ADCY8: variants seen among roughly 807,000 people sequenced by gnomAD.
ADCY8 encodes adenylate cyclase 8, also known as adenylate cyclase type 8.
ADCY8 carries 51 observed loss-of-function variants against 119.7 expected under a neutral mutation model. That is an observed-to-expected ratio of 0.43 (90% confidence interval 0.34 to 0.54). The LOEUF is 0.54. Among genes scored for constraint, ADCY8 ranks in the 20% least tolerant of loss-of-function variants. ADCY8 has a pLI of 0.03. For missense variants in ADCY8, 1,383 were observed against 1,598.8 expected, an observed-to-expected ratio of 0.87 and a Z score of 2.30; for synonymous variants, 665 against 651.0, an observed-to-expected ratio of 1.02 and a Z score of -0.33.
At chr8:130,783,628 G>A (rs1815158219) in intron 17 of ADCY8, 63 bp downstream of exon 17, 1 of 1,179,332 alleles carries the variant, frequency 8.5e-7, no homozygotes, top group African/African-American at 1.5e-5. Flanking sequence ...CCCAAGGCAG[G>A]GGAGGGTCTG....
In ADCY8 at chr8:130,903,961, A is replaced by G; in HGVS notation, c.1722T>C (p.Asn574=). ...CGATATTATGCTTCCTCAGGAATTCATTCCTCTCTTTACCATGGCCCTCTT... is the reference window on the plus strand; with the variant it reads ...CGATATTATGCTTCCTCAGGAATTCGTTCCTCTCTTTACCATGGCCCTCTT... ...NVEEGHGKER[N]EFLRKHNIET... The change falls in exon 7 of 18, where the codon AAT becomes AAC. Residue 574 remains asparagine (N), a synonymous_variant. Transcript: ENST00000286355. 4.3e-6 allele frequency: 7 copies of G among 1,614,124 alleles called. No homozygotes were observed. The highest frequency in any genetic ancestry group is 5.9e-6 in the Non-Finnish European group (7 of 1,180,002).
intron 1 of ADCY8, among the ~76,000 whole-genome samples, chr8:131,017,088 G>C (rs1195942218): frequency 7.7e-6 from 1 of 129,990 alleles, no homozygotes; most frequent in African/African-American, 2.9e-5. Flanking sequence ...TTTTTTTTTT[G>C]AGATGGAGTC....
At chr8:130,905,895 G>A (rs1265515175) in intron 6 of ADCY8, among the ~76,000 whole-genome samples, 4 of 152,100 alleles carry the variant, frequency 2.6e-5, no homozygotes, top group African/African-American at 9.7e-5. Flanking sequence ...TAAATAAAAT[G>A]CAGTTTACTT....
chr8:130,784,471 T>A (rs557337606), intron 16 of ADCY8, among the ~76,000 whole-genome samples: 7 of 152,326 alleles, frequency 4.6e-5, no homozygotes, highest in African/African-American at 1.7e-4. Context: ...GAGAACTTTG[T>A]GCCCCTGTAG....
At chr8:130,945,814 C>G (rs1289476941) in intron 3 of ADCY8, among the ~76,000 whole-genome samples, 1 of 152,236 alleles carries the variant, frequency 6.6e-6, no homozygotes, top group African/African-American at 2.4e-5. Flanking sequence ...AGAGTATTCA[C>G]TGTGGACTTG....
chr8:130,844,547 G>T (rs548752003), intron 11 of ADCY8, among the ~76,000 whole-genome samples: 1 of 152,198 alleles, frequency 6.6e-6, no homozygotes, highest in African/African-American at 2.4e-5. Flanking sequence ...GAAGCGATTT[G>T]CTTGGGGACA....
intron 1 of ADCY8, among the ~76,000 whole-genome samples, chr8:131,016,790 G>A (rs1338267080): frequency 1.3e-5 from 2 of 152,032 alleles, no homozygotes; most frequent in African/African-American, 4.8e-5. Context: ...GGCTCGACCC[G>A]GCATGAGATG....
chr8:130,792,680 C>T (rs946509389), intron 15 of ADCY8, among the ~76,000 whole-genome samples: 5 of 152,206 alleles, frequency 3.3e-5, no homozygotes, highest in Non-Finnish European at 7.3e-5. Context: ...CTCCTTGGTC[C>T]TAGCCACCCT....
chr8:130,953,689 A>G (rs564162570), intron 2 of ADCY8, among the ~76,000 whole-genome samples: 3 of 152,330 alleles, frequency 2.0e-5, no homozygotes, highest in East Asian at 1.9e-4. Flanking sequence ...TAGCAATAAT[A>G]TCATCTACTT....
At chr8:130,919,469 C>A (rs953192608) in intron 5 of ADCY8, among the ~76,000 whole-genome samples, 4 of 152,136 alleles carry the variant, frequency 2.6e-5, no homozygotes, top group Non-Finnish European at 5.9e-5. Context: ...TCTCTCCTAG[C>A]CTGCAGAAGA....
chr8:131,023,752 C>T (rs1324517533), intron 1 of ADCY8, among the ~76,000 whole-genome samples: 1 of 152,080 alleles, frequency 6.6e-6, no homozygotes, highest in Non-Finnish European at 1.5e-5. Flanking sequence ...ATGAGATATG[C>T]CCAAGGAGAT....
chr8:130,935,755 T>A (rs531899598), intron 5 of ADCY8, among the ~76,000 whole-genome samples: 2 of 152,348 alleles, frequency 1.3e-5, no homozygotes, highest in Admixed American at 1.3e-4. Context: ...TTCCTCATGG[T>A]AGCTTCTGGG....
At chr8:130,884,983 G>A (rs1818925408) in intron 7 of ADCY8, among the ~76,000 whole-genome samples, 1 of 152,140 alleles carries the variant, frequency 6.6e-6, no homozygotes, top group Non-Finnish European at 1.5e-5. Flanking sequence ...TCTCTATGTA[G>A]GCACACTGAA....
At chr8:131,024,432 C>T (rs1038478324) in intron 1 of ADCY8, among the ~76,000 whole-genome samples, 1 of 152,140 alleles carries the variant, frequency 6.6e-6, no homozygotes, top group Non-Finnish European at 1.5e-5. Flanking sequence ...AAGTGAGTTC[C>T]TTCAGGCTAC....
intron 6 of ADCY8, among the ~76,000 whole-genome samples, chr8:130,906,533 T>A (rs545422141): frequency 1.3e-5 from 2 of 152,202 alleles, no homozygotes; most frequent in Admixed American, 1.3e-4. Flanking sequence ...TGCTAATCAA[T>A]ATGCACTTAA....
intron 1 of ADCY8, among the ~76,000 whole-genome samples, chr8:131,003,106 CAGG>C (rs900035527): frequency 3.3e-5 from 5 of 151,618 alleles, no homozygotes; most frequent in African/African-American, 1.2e-4. Context: ...GAGGTGGAGG[CAGG>C]AGAATTGCTT....
rs151285335 is a variant in ADCY8 at position 131,025,723 on chromosome 8, C to T, written c.960+13651G>A. Among the ~76,000 whole-genome samples the T allele has an allele frequency of 3.9e-5, 6 of 152,322 alleles. No individual in the cohort carries two copies. The East Asian group carries it at 1.2e-3, about 29-fold the overall frequency. On this transcript the variant is annotated intron_variant, in intron 1 of 17. Coordinates refer to ENST00000286355, the MANE Select transcript of ADCY8 (RefSeq NM_001115.3). ...AATAGAAATGAGTGCAAGCTGAATG[C>T]CTAGAGCACACAATTTCAGGAATTA...
At chr8:130,826,913 C>T (rs1352906483) in intron 12 of ADCY8, among the ~76,000 whole-genome samples, 43 of 135,064 alleles carry the variant, frequency 3.2e-4, no homozygotes, top group East Asian at 2.6e-4. Flanking sequence ...CAGGGCCTGT[C>T]GTGGGGTGGG....
Position 130,917,610 on chromosome 8 carries a change from T to C in ADCY8, c.1482-7744A>G, listed in dbSNP as rs1820168076. ...GTGCCCCGGAATCTTAGAAGAACAA[T>C]AGAGACCAAGTCAGGACAGCAGCTG... is the stretch of plus-strand genomic sequence containing the variant. On this transcript the variant is annotated intron_variant, in intron 5 of 17. Transcript: ENST00000286355. Among the ~76,000 whole-genome samples the C allele has an allele frequency of 1.3e-5, 2 of 152,048 alleles. 1 individual carries two copies. Among genetic ancestry groups the C allele is most frequent in the South Asian group, 4.2e-4 (2 of 4,812 alleles).
Sources: allele counts gnomAD v4.1 joint callset (sites outside exome capture counted in the v4.1 genomes callset), GRCh38; gene constraint gnomAD v4.1.1; transcripts MANE v1.5; gene names NCBI Gene and HGNC (gene_info 2026-07-23, HGNC 2026-07-21).